Variants in USP14 observed in about 807,000 individuals in gnomAD.
USP14 encodes ubiquitin specific peptidase 14.
A neutral mutation model predicts 76.5 loss-of-function variants in USP14; 38 were observed. The ratio of observed to expected loss-of-function variants is 0.50; its 90% CI spans 0.38 to 0.65. The LOEUF (loss-of-function observed/expected upper bound fraction) is 0.65. Ranked by LOEUF, USP14 falls within the 30% of genes least tolerant of loss-of-function variation. USP14 has a pLI of 0.00. For missense variants in USP14, 467 were observed against 586.5 expected, an observed-to-expected ratio of 0.80 and a Z score of 2.10; for synonymous variants, 192 against 191.7, an observed-to-expected ratio of 1.00 and a Z score of -0.01.
intron 2 of USP14, among the ~76,000 whole-genome samples, chr18:164,790 A>C (rs1909223294): frequency 6.6e-6 from 1 of 152,024 alleles, no homozygotes; most frequent in East Asian, 1.9e-4. Flanking sequence ...CCTAACTCCT[A>C]CCTGGAGATG....
At chr18:199,108 A>G in intron 9 of USP14, 94 bp from the exon 10 acceptor site, 4 of 739,814 alleles carry the variant, frequency 5.4e-6, no homozygotes, top group Non-Finnish European at 8.8e-6. Flanking sequence ...GAATGATACT[A>G]TTAATTTTAA....
intron 3 of USP14, among the ~76,000 whole-genome samples, chr18:168,885 C>G (rs969645037): frequency 3.3e-5 from 5 of 150,540 alleles, no homozygotes; most frequent in Middle Eastern, 3.4e-3. Flanking sequence ...TCCTGGCTAA[C>G]ATGGTGAAAC....
chr18:165,197 C>T (rs1454427543), intron 2 of USP14, among the ~76,000 whole-genome samples: 1 of 151,676 alleles, frequency 6.6e-6, no homozygotes, highest in East Asian at 2.0e-4. Context: ...ATGCCTGCCT[C>T]GGGCCTCCCA....
rs758160314 is a variant in USP14, at chr18:163,282, TAA to T, written c.17-20_17-19del. On this transcript the variant is annotated intron_variant, in intron 1 of 15. Transcript: ENST00000261601. ...AAATCTTGTCTTGTTATTTTTTAAT[TAA>T]AAAAATTGTGATTTTGTTTGCAGTT... 5 of 1,566,260 alleles carry T rather than the reference TAA, an allele frequency of 3.2e-6. No individual in the cohort carries two copies. The East Asian group carries it at 1.2e-4, about 37-fold the overall frequency.
rs769784640 is a variant in USP14, at chr18:213,646, T to C, written c.*2362T>C. 4 of 152,156 alleles carry C rather than the reference T, an allele frequency of 2.6e-5. No individual in the cohort carries two copies. Among genetic ancestry groups the C allele is most frequent in the Non-Finnish European group, 5.9e-5 (4 of 67,916 alleles). The allele number at this position is 152,156 out of a possible 1,614,324, so 9.4% of individuals were successfully genotyped here. Reference sequence around the variant, plus strand: ...TGACTAGCTAGGTTAGGCCTAAGAGTGTTTACCGAATAATCTGCACTCACT... The same window carrying C: ...TGACTAGCTAGGTTAGGCCTAAGAGCGTTTACCGAATAATCTGCACTCACT... On this transcript the variant is annotated 3_prime_UTR_variant, in exon 16 of 16. Coordinates refer to ENST00000261601, the MANE Select transcript of USP14 (RefSeq NM_005151.4).
rs577014216 is a variant in USP14 at position 197,483 on chromosome 18, G to A, written c.595-133G>A. 2.6e-4 allele frequency: 166 copies of A among 632,494 alleles called. 1 individual carries two copies. The South Asian group carries it at 2.9e-3, about 11-fold the overall frequency. The allele number at this position is 632,494 out of a possible 1,614,324, so 39.2% of individuals were successfully genotyped here. A position where few individuals can be genotyped will look rare whatever the true frequency, so the allele number is the denominator to read the frequency against. ...AGAATGCTTTATTTTTTGGAAGATC[G>A]TATGTCTTATTTGGCTTAATATTTT... On this transcript the variant is annotated intron_variant, in intron 7 of 15. Coordinates refer to ENST00000261601, the MANE Select transcript of USP14 (RefSeq NM_005151.4).
At chr18:188,800 C>T (rs933319962) in intron 5 of USP14, among the ~76,000 whole-genome samples, 4 of 152,032 alleles carry the variant, frequency 2.6e-5, no homozygotes, top group Non-Finnish European at 5.9e-5. Flanking sequence ...GCCTCAGCCT[C>T]CCAAGTAGCT....
At position 192,824 on chromosome 18, in the gene USP14, C is replaced by A; in HGVS notation, c.405-18C>A. 6.2e-7 allele frequency: 1 copy of A among 1,612,476 alleles called. No individual in the cohort carries two copies. The highest frequency in any genetic ancestry group is 8.5e-7 in the Non-Finnish European group (1 of 1,179,136). On this transcript the variant is annotated intron_variant, in intron 5 of 15. Transcript: ENST00000261601. ...ATGAATTGAATTCTATTGTTTAACT[C>A]GGCTTTAATGTTCCTAGGTATGCAG...
chr18:202,555 T>TGACA (rs1217100961), intron 10 of USP14, among the ~76,000 whole-genome samples: 4 of 152,232 alleles, frequency 2.6e-5, no homozygotes, highest in African/African-American at 9.6e-5. Context: ...TAAACAGGAA[T>TGACA]GACAGCTTTG....
At chr18:175,587 T>G (rs1909604793) in intron 3 of USP14, among the ~76,000 whole-genome samples, 1 of 152,198 alleles carries the variant, frequency 6.6e-6, no homozygotes, top group Non-Finnish European at 1.5e-5. Flanking sequence ...TTGGACATTA[T>G]ATATTGCTAG....
rs1910718017 is a variant in USP14, at chr18:213,110, A to G, written c.*1826A>G. 1 of 148,108 alleles carries G rather than the reference A, an allele frequency of 6.8e-6. No homozygotes were observed. Among genetic ancestry groups the G allele is most frequent in the South Asian group, 2.2e-4 (1 of 4,604 alleles). 9.2% of individuals were successfully genotyped at this position (148,108 alleles called of 1,614,324 possible). A position where few individuals can be genotyped will look rare whatever the true frequency, so the allele number is the denominator to read the frequency against. ...TGGGCAGGATGAGACCATGAAAATT[A>G]TAATGATTCATGTATATTTGTATGA... On this transcript the variant is annotated 3_prime_UTR_variant, in exon 16 of 16. Coordinates refer to ENST00000261601, the MANE Select transcript of USP14 (RefSeq NM_005151.4).
intron 1 of USP14, among the ~76,000 whole-genome samples, chr18:162,406 A>G (rs2144205363): frequency 6.6e-6 from 1 of 152,290 alleles, no homozygotes; most frequent in South Asian, 2.1e-4. Context: ...ATGGCTGTGA[A>G]GTGGGATTTC....
intron 3 of USP14, among the ~76,000 whole-genome samples, chr18:175,707 G>A (rs1909608250): frequency 6.6e-6 from 1 of 152,036 alleles, no homozygotes; most frequent in Non-Finnish European, 1.5e-5. Flanking sequence ...TCAGTGTAAT[G>A]TTAGTCTTAT....
intron 3 of USP14, among the ~76,000 whole-genome samples, chr18:176,413 G>A (rs139886055): frequency 2.6e-5 from 4 of 152,196 alleles, no homozygotes; most frequent in East Asian, 1.9e-4. Flanking sequence ...TTAGCCTTCC[G>A]ACTACCTTGG....
chr18:178,848 T>C, intron 3 of USP14, 85 bp from the exon 4 acceptor site: 1 of 983,158 alleles, frequency 1.0e-6, no homozygotes, highest in Non-Finnish European at 1.5e-6. Flanking sequence ...GTTATATGTG[T>C]TCTTTTGTTC....
intron 13 of USP14, 45 bp from the exon 14 acceptor site, chr18:209,926 A>T: frequency 1.4e-6 from 2 of 1,470,302 alleles, no homozygotes; most frequent in South Asian, 2.4e-5. Flanking sequence ...TTCAAATTTT[A>T]TTTCCAAAAT....
Position 180,310 on chromosome 18 carries a change from T to G in USP14, c.375T>G (p.Ser125=). 1 of 1,593,166 alleles carries G rather than the reference T, an allele frequency of 6.3e-7. No homozygotes were observed. Reference sequence around the variant, plus strand: ...ATGCCACAGTTCAGTGTATTCGTTCTGTGCCTGAACTCAAAGATGCCCTTA... The same window carrying G: ...ATGCCACAGTTCAGTGTATTCGTTCGGTGCCTGAACTCAAAGATGCCCTTA... The part of the protein sequence containing the change: ...YMNATVQCIR[S]VPELKDALKR... The change falls in exon 5 of 16, where the codon TCT becomes TCG. Residue 125 remains serine (S), a synonymous_variant. Transcript: ENST00000261601.
In USP14 at chr18:179,037, T is replaced by G. The variant is rs749878203; in HGVS notation, c.300T>G (p.Ala100=). 1 of 1,594,394 alleles carries G rather than the reference T, an allele frequency of 6.3e-7. No individual in the cohort carries two copies. The highest frequency in any genetic ancestry group is 8.5e-7 in the Non-Finnish European group (1 of 1,173,004). ...EDMTEEQLAS[A]MELPCGLTNL... is the part of the protein sequence containing the mutation. ...TGACAGAAGAACAGTTAGCATCTGCTGTAAGACACACCAGATTTTATGTGT... is the reference window on the plus strand; with the variant it reads ...TGACAGAAGAACAGTTAGCATCTGCGGTAAGACACACCAGATTTTATGTGT... Residue 100 remains alanine, a splice_region_variant and synonymous_variant, in exon 4 of 16, where the codon GCT becomes GCG. Transcript: ENST00000261601.
At chr18:185,012 C>A (rs2143028191) in intron 5 of USP14, among the ~76,000 whole-genome samples, 1 of 152,192 alleles carries the variant, frequency 6.6e-6, no homozygotes, top group South Asian at 2.1e-4. Context: ...ATAAAAAAAT[C>A]ATCCTAAAAT....
Sources: allele counts gnomAD v4.1 joint callset (sites outside exome capture counted in the v4.1 genomes callset), GRCh38; gene constraint gnomAD v4.1.1; transcripts MANE v1.5; gene names NCBI Gene and HGNC (gene_info 2026-07-23, HGNC 2026-07-21).